The following CAMK2G variants were observed in gnomAD, a reference collection of about 807,000 sequenced individuals.
CAMK2G encodes calcium/calmodulin-dependent protein kinase type II subunit gamma.
Under a neutral mutation model 88.7 loss-of-function variants are expected in CAMK2G, and 23 were observed. The ratio of observed to expected loss-of-function variants is 0.26; its 90% CI spans 0.19 to 0.37. The LOEUF (loss-of-function observed/expected upper bound fraction) is 0.37. Among genes scored for constraint, CAMK2G ranks in the 10% least tolerant of loss-of-function variants. The pLI is 1.00. For synonymous variants in CAMK2G, 263 were observed against 294.8 expected (o/e 0.89, Z 1.11); for missense variants, 476 against 780.8 (o/e 0.61, Z 4.65).
Position 73,874,383 on chromosome 10 carries a change from C to T in CAMK2G, c.65+14G>A, listed in dbSNP as rs764336603. 8 of 1,474,430 alleles carry T rather than the reference C, an allele frequency of 5.4e-6. No individual in the cohort carries two copies. Among genetic ancestry groups the T allele is most frequent in the South Asian group, 1.3e-5 (1 of 76,266 alleles). The allele number at this position is 1,474,430 out of a possible 1,614,324, so 91.3% of individuals were successfully genotyped here. On this transcript the variant is annotated intron_variant, in intron 1 of 22. Coordinates refer to ENST00000423381, the MANE Select transcript of CAMK2G (RefSeq NM_001367534.1). Reference sequence around the variant, plus strand: ...CGGCAGGGCAGGCAGGGGACCGCGGCGGGCGGGCCGTACTTGCCAAGCTCC... The same window carrying T: ...CGGCAGGGCAGGCAGGGGACCGCGGTGGGCGGGCCGTACTTGCCAAGCTCC...
chr10:73,824,333 A>T (rs1218522454), intron 16 of CAMK2G, among the ~76,000 whole-genome samples: 1 of 152,172 alleles, frequency 6.6e-6, no homozygotes, highest in Admixed American at 6.5e-5. Flanking sequence ...GGTGCCCAGG[A>T]GGCTGACAGC....
chr10:73,819,911 A>G (rs2087264794), intron 18 of CAMK2G, among the ~76,000 whole-genome samples: 1 of 152,134 alleles, frequency 6.6e-6, no homozygotes, highest in Non-Finnish European at 1.5e-5. Context: ...CAGCCTGTCC[A>G]AGGACCCCTG....
intron 17 of CAMK2G, 109 bp from the exon 18 acceptor site, chr10:73,821,839 T>C (rs1336756267): frequency 1.7e-5 from 15 of 866,180 alleles, no homozygotes; most frequent in Non-Finnish European, 2.6e-5. Context: ...CAAGGAGGAA[T>C]TGTGGAAGGT....
At chr10:73,826,863 C>CT (rs1424379015) in intron 15 of CAMK2G, among the ~76,000 whole-genome samples, 3 of 152,310 alleles carry the variant, frequency 2.0e-5, no homozygotes, top group East Asian at 1.9e-4. Flanking sequence ...TCCCCAAACC[C>CT]AGGGCTAGGC....
intron 14 of CAMK2G, among the ~76,000 whole-genome samples, chr10:73,832,758 C>T (rs2092650296): frequency 6.6e-6 from 1 of 152,056 alleles, no homozygotes; most frequent in Non-Finnish European, 1.5e-5. Flanking sequence ...CATTTACTGG[C>T]TTTTAAAAAA....
At chr10:73,835,812 T>C (rs1238360996) in intron 14 of CAMK2G, among the ~76,000 whole-genome samples, 1 of 152,214 alleles carries the variant, frequency 6.6e-6, no homozygotes, top group Non-Finnish European at 1.5e-5. Context: ...TTTTAAGTTA[T>C]AGAAATGTCA....
intron 2 of CAMK2G, among the ~76,000 whole-genome samples, chr10:73,872,066 A>C (rs375678379): frequency 6.6e-6 from 1 of 152,156 alleles, no homozygotes; most frequent in African/African-American, 2.4e-5. Context: ...TTTGTCCCCC[A>C]GCTGCACCCT....
intron 14 of CAMK2G, among the ~76,000 whole-genome samples, chr10:73,834,544 T>G (rs3812635): frequency 0.18 from 26,790 of 152,164 alleles, 2,472 homozygotes; most frequent in South Asian, 0.23. Context: ...TGCTGCACAT[T>G]TCTCTTTTCC....
chr10:73,852,708 A>G (rs1565421988), intron 4 of CAMK2G: 1 of 257,918 alleles, frequency 3.9e-6, no homozygotes, highest in African/African-American at 2.2e-5. Flanking sequence ...TAATGAGACC[A>G]ATGACACAGA....
Position 73,842,315 on chromosome 10 carries a change from T to C in CAMK2G, c.904-104A>G. The C allele has an allele frequency of 2.6e-6, 3 of 1,164,564 alleles. No individual in the cohort carries two copies. The highest frequency in any genetic ancestry group is 2.3e-5 in the East Asian group (1 of 42,884). The allele number at this position is 1,164,564 out of a possible 1,614,324, so 72.1% of individuals were successfully genotyped here. On this transcript the variant is annotated intron_variant, in intron 11 of 22. Transcript: ENST00000423381. The surrounding 1 kb of genome is among the most constrained non-coding windows in gnomAD (Gnocchi z 4.6). ...GGCTAGAGCCTGAAGACATCAGGCC[T>C]CTGGGCCCCCTCCCCTGTGACATGT...
At position 73,860,811 on chromosome 10, in the gene CAMK2G, TC is replaced by T; in HGVS notation, c.220+18del. 1 of 1,594,990 alleles carries T rather than the reference TC, an allele frequency of 6.3e-7. No homozygotes were observed. Among genetic ancestry groups the T allele is most frequent in the Non-Finnish European group, 8.6e-7 (1 of 1,162,752 alleles). ...CTTCTACAAAATACCCACAAAATGC[TC>T]CATGCCCAGGCACTCACCGATGTTT... On this transcript the variant is annotated intron_variant, in intron 3 of 22. Coordinates refer to ENST00000423381, the MANE Select transcript of CAMK2G (RefSeq NM_001367534.1).
chr10:73,820,492 A>ATATATATATATATTTT (rs1554995765), intron 18 of CAMK2G, among the ~76,000 whole-genome samples: 1 of 51,052 alleles, frequency 2.0e-5, no homozygotes, highest in African/African-American at 8.9e-5. Context: ...ATATATATAT[A>ATATATATATATATTTT]TTTTTTTTTT....
chr10:73,852,566 C>T, intron 4 of CAMK2G: 1 of 523,908 alleles, frequency 1.9e-6, no homozygotes, highest in East Asian at 3.1e-5. Flanking sequence ...CACTAATAGT[C>T]AGGCAGAGAT....
rs1266851911 is a variant in CAMK2G, at chr10:73,853,040, G to A, written c.275+152C>T. 49 of 698,378 alleles carry A rather than the reference G, an allele frequency of 7.0e-5. No individual in the cohort carries two copies. The Admixed American group carries it at 1.2e-3, about 17-fold the overall frequency. 43.3% of individuals were successfully genotyped at this position (698,378 alleles called of 1,614,324 possible). A position where few individuals can be genotyped will look rare whatever the true frequency, so the allele number is the denominator to read the frequency against. On this transcript the variant is annotated intron_variant, in intron 4 of 22. Transcript: ENST00000423381. ...GGGAACATGGAGACCCCCTTGGTGG[G>A]GGCAGCAATCTGCCCCAGTCAAATC...
intron 18 of CAMK2G, among the ~76,000 whole-genome samples, chr10:73,821,226 C>A (rs190049080): frequency 2.8e-4 from 43 of 152,142 alleles, no homozygotes; most frequent in African/African-American, 9.9e-4. Flanking sequence ...TCCCAAAGTT[C>A]TGGGTATTAC....
At position 73,819,525 on chromosome 10, in the gene CAMK2G, C is replaced by T. The variant is rs1406001620; in HGVS notation, c.1363+7G>A. On this transcript the variant is annotated splice_region_variant and intron_variant, in intron 19 of 22. Transcript: ENST00000423381. ...CGGAAGCCAGAATGTGCCTCCCTCACACTTACTGGCTGAGGAGCAGAGAGA... is the reference window on the plus strand; with the variant it reads ...CGGAAGCCAGAATGTGCCTCCCTCATACTTACTGGCTGAGGAGCAGAGAGA... The T allele has an allele frequency of 2.0e-6, 3 of 1,537,574 alleles. No homozygotes were observed. The highest frequency in any genetic ancestry group is 2.6e-6 in the Non-Finnish European group (3 of 1,135,744).
rs140925365 is a variant in CAMK2G, at chr10:73,847,324, C to G, written c.720G>C (p.Thr240=). 3.7e-6 allele frequency: 6 copies of G among 1,614,046 alleles called. No individual in the cohort carries two copies. The highest frequency in any genetic ancestry group is 1.1e-5 in the South Asian group (1 of 91,078). The change falls in exon 10 of 23, where the codon ACG becomes ACC. Residue 240 remains threonine (T), a synonymous_variant. Transcript: ENST00000423381. ...AYDFPSPEWD[T]VTPEAKNLIN... Reference sequence around the variant, plus strand: ...TCAAGTTCTTGGCTTCAGGAGTTACCGTGTCCCATTCTGGTGATGGGAACT... The same window carrying G: ...TCAAGTTCTTGGCTTCAGGAGTTACGGTGTCCCATTCTGGTGATGGGAACT...
intron 3 of CAMK2G, among the ~76,000 whole-genome samples, chr10:73,855,214 G>A (rs1384065981): frequency 2.0e-5 from 3 of 152,120 alleles, no homozygotes; most frequent in Non-Finnish European, 2.9e-5. Context: ...GCGCACCTCT[G>A]GTCTAAGTCG....
intron 10 of CAMK2G, among the ~76,000 whole-genome samples, chr10:73,844,361 G>C (rs1176989256): frequency 6.6e-6 from 1 of 151,832 alleles, no homozygotes; most frequent in Non-Finnish European, 1.5e-5. Context: ...AAAGTGCTGG[G>C]ACTACAGGTG....
Sources: gnomAD v4.1 joint callset for allele counts (sites outside exome capture counted in the v4.1 genomes callset) on GRCh38, gnomAD v4.1.1 for gene constraint, Gnocchi (gnomAD v3.1) non-coding constraint, MANE v1.5 for transcripts, NCBI Gene and HGNC (gene_info 2026-07-23, HGNC 2026-07-21) for gene names.